The following TPR variants were observed in gnomAD, a reference collection of about 807,000 sequenced individuals.
TPR encodes translocated promoter region, nuclear basket protein.
In TPR, 51 loss-of-function variants were observed where a neutral mutation model predicts 316.1. That is an observed-to-expected ratio of 0.16 (90% confidence interval 0.13 to 0.20). The LOEUF is 0.20. Ranked by LOEUF, TPR falls within the 10% of genes least tolerant of loss-of-function variation. The pLI is 1.00. For missense variants in TPR, 2,272 were observed against 2,754.8 expected (o/e 0.82, Z 3.92); for synonymous variants, 981 against 914.7 (o/e 1.07, Z -1.31).
chr1:186,313,022 C>A lies in TPR; in HGVS notation c.*949G>T. 3 of 1,036,464 alleles carry A rather than the reference C, an allele frequency of 2.9e-6. No individual in the cohort carries two copies. The highest frequency in any genetic ancestry group is 4.4e-6 in the Non-Finnish European group (3 of 679,640). 64.2% of individuals were successfully genotyped at this position (1,036,464 alleles called of 1,614,324 possible). ...TACACTACGGTACTTATTCTAATTG[C>A]TGTGGAAAAGAGTTAAGACTTTTGC... On this transcript the variant is annotated 3_prime_UTR_variant, in exon 51 of 51. Transcript: ENST00000367478.
chr1:186,351,915 TA>T lies in TPR; in HGVS notation c.2469+60del, dbSNP rs896739597. On this transcript the variant is annotated intron_variant, in intron 19 of 50. Coordinates refer to ENST00000367478, the MANE Select transcript of TPR (RefSeq NM_003292.3). ...TTTCTAATTAAGGAAATTGAGAGGA[TA>T]AAAAAAATCTAAATTTAACTTTTAT... is the stretch of plus-strand genomic sequence containing the variant. 168 of 1,532,420 alleles carry T rather than the reference TA, an allele frequency of 1.1e-4. No individual in the cohort carries two copies. The African/African-American group carries it at 1.4e-3, about 13-fold the overall frequency. 94.9% of individuals were successfully genotyped at this position (1,532,420 alleles called of 1,614,324 possible).
chr1:186,337,999 GT>G (rs557325742), intron 31 of TPR, 33 bp downstream of exon 31: 167 of 1,457,552 alleles, frequency 1.1e-4, no homozygotes, highest in Admixed American at 7.0e-4. Flanking sequence ...ATTCATCCTA[GT>G]TTTTTTTTGT....
intron 50 of TPR, chr1:186,314,235 G>A: frequency 5.8e-5 from 28 of 479,764 alleles, no homozygotes; most frequent in South Asian, 2.2e-4. Context: ...TGGAAAACAT[G>A]GAAATATTAA....
At chr1:186,360,597 T>C (rs1455882198) in intron 10 of TPR, among the ~76,000 whole-genome samples, 168 bp downstream of exon 10, 1 of 152,122 alleles carries the variant, frequency 6.6e-6, no homozygotes, top group Non-Finnish European at 1.5e-5. Context: ...CCCGATTCTG[T>C]AAAGATACAG....
Position 186,312,668 on chromosome 1 carries a change from C to A in TPR, c.*1303G>T. ...TCTATAACCCTCAATAGTTCTACAT[C>A]AGAGGGCTAAAACTGAGATTAAAAC... On this transcript the variant is annotated 3_prime_UTR_variant, in exon 51 of 51. Coordinates refer to ENST00000367478, the MANE Select transcript of TPR (RefSeq NM_003292.3). 1 of 1,260,712 alleles carries A rather than the reference C, an allele frequency of 7.9e-7. No individual in the cohort carries two copies. Among genetic ancestry groups the A allele is most frequent in the Non-Finnish European group, 1.2e-6 (1 of 864,052 alleles). 78.1% of individuals were successfully genotyped at this position (1,260,712 alleles called of 1,614,324 possible). A position where few individuals can be genotyped will look rare whatever the true frequency, so the allele number is the denominator to read the frequency against.
chr1:186,371,846 A>T (rs1659536385), intron 2 of TPR, among the ~76,000 whole-genome samples: 2 of 152,178 alleles, frequency 1.3e-5, no homozygotes. Flanking sequence ...GATCCAGAGT[A>T]TATAAATACA....
rs929413607 is a variant in TPR at position 186,326,374 on chromosome 1, G to C, written c.5890-139C>G. The C allele has an allele frequency of 2.4e-5, 31 of 1,298,902 alleles. 1 individual carries two copies. The Admixed American group carries it at 5.5e-4, about 23-fold the overall frequency. The allele number at this position is 1,298,902 out of a possible 1,614,324, so 80.5% of individuals were successfully genotyped here. On this transcript the variant is annotated intron_variant, in intron 40 of 50. Coordinates refer to ENST00000367478, the MANE Select transcript of TPR (RefSeq NM_003292.3). ...TTGTCCTGAGAGTTGTATGGGATTA[G>C]TACAGCAGCACCAAATACCACAACT...
intron 3 of TPR, among the ~76,000 whole-genome samples, chr1:186,369,411 T>A (rs572890577): frequency 1.2e-4 from 19 of 152,288 alleles, no homozygotes; most frequent in South Asian, 8.3e-4. Context: ...ATTATTTGCA[T>A]CTTCAATTTC....
intron 13 of TPR, 28 bp downstream of exon 13, chr1:186,358,515 G>C: frequency 5.7e-6 from 9 of 1,580,110 alleles, no homozygotes; most frequent in Non-Finnish European, 6.9e-6. Flanking sequence ...GTTTTTAAAA[G>C]TAGGAAAACA....
At chr1:186,350,666 A>G (rs567210594) in intron 20 of TPR, among the ~76,000 whole-genome samples, 9 of 152,324 alleles carry the variant, frequency 5.9e-5, no homozygotes, top group African/African-American at 2.2e-4. Flanking sequence ...AGAGCCCAGG[A>G]GACTCTCTGA....
rs755481392 is a variant in TPR at position 186,327,588 on chromosome 1, C to T, written c.5761G>A (p.Gly1921Arg). 6.2e-7 allele frequency: 1 copy of T among 1,612,772 alleles called. No homozygotes were observed. The highest frequency in any genetic ancestry group is 1.1e-5 in the South Asian group (1 of 91,052). ...ETSQSLQIDL[G>R]PLQSDQQTTT... Reference sequence around the variant, plus strand: ...GTCTGCTGATCTGATTGAAGTGGCCCAAGATCTATTTGTAGAGACTGAGAG... The same window carrying T: ...GTCTGCTGATCTGATTGAAGTGGCCTAAGATCTATTTGTAGAGACTGAGAG... Residue 1921 changes from glycine (G) to arginine (R), a missense_variant, in exon 40 of 51, where the codon GGG (glycine) becomes AGG (arginine). Coordinates refer to ENST00000367478, the MANE Select transcript of TPR (RefSeq NM_003292.3).
intron 32 of TPR, 76 bp downstream of exon 32, chr1:186,336,937 G>C: frequency 1.3e-6 from 2 of 1,584,804 alleles, no homozygotes; most frequent in Non-Finnish European, 1.7e-6. Context: ...GTAAGACAAA[G>C]TGTCAGTAGT....
intron 42 of TPR, among the ~76,000 whole-genome samples, 190 bp from the exon 43 acceptor site, chr1:186,324,060 G>A (rs963255509): frequency 3.3e-5 from 5 of 151,994 alleles, no homozygotes; most frequent in Admixed American, 6.6e-5. Flanking sequence ...GTACTTATTC[G>A]CTGTGTGGCT....
chr1:186,312,951 G>C lies in TPR; in HGVS notation c.*1020C>G, dbSNP rs1657393527. The C allele has an allele frequency of 6.5e-7, 1 of 1,548,978 alleles. No individual in the cohort carries two copies. The highest frequency in any genetic ancestry group is 8.9e-7 in the Non-Finnish European group (1 of 1,121,956). ...GTGATATCATTTGTGAAAACATGAA[G>C]ATAAAGTAAAAATGCTGGCTGCAAT... is the stretch of plus-strand genomic sequence containing the variant. On this transcript the variant is annotated 3_prime_UTR_variant, in exon 51 of 51. Transcript: ENST00000367478.
intron 29 of TPR, among the ~76,000 whole-genome samples, chr1:186,340,129 T>C (rs576176714): frequency 6.6e-6 from 1 of 152,098 alleles, no homozygotes; most frequent in South Asian, 2.1e-4. Context: ...AGAAAAAAAA[T>C]ATAGACAATG....
At chr1:186,331,380 C>G in intron 39 of TPR, 118 bp downstream of exon 39, 1 of 642,646 alleles carries the variant, frequency 1.6e-6, no homozygotes, top group Non-Finnish European at 2.6e-6. Flanking sequence ...AGTAGTATTT[C>G]ATTACATATA....
chr1:186,375,122 C>A lies in TPR; in HGVS notation c.-94G>T. 1 of 1,566,768 alleles carries A rather than the reference C, an allele frequency of 6.4e-7. No individual in the cohort carries two copies. Among genetic ancestry groups the A allele is most frequent in the Non-Finnish European group, 8.6e-7 (1 of 1,156,468 alleles). Reference sequence around the variant, plus strand: ...AGCAGGACCCAGACGCCTGGGCCGCCGCCTCTATCACCTCGCTCGGTGGCT... The same window carrying A: ...AGCAGGACCCAGACGCCTGGGCCGCAGCCTCTATCACCTCGCTCGGTGGCT... On this transcript the variant is annotated 5_prime_UTR_variant, in exon 1 of 51. Coordinates refer to ENST00000367478, the MANE Select transcript of TPR (RefSeq NM_003292.3).
chr1:186,372,667 T>C (rs1234637916), intron 2 of TPR, among the ~76,000 whole-genome samples: 1 of 152,220 alleles, frequency 6.6e-6, no homozygotes, highest in East Asian at 1.9e-4. Context: ...CCATCTCGTC[T>C]GATCTCGGAA....
chr1:186,341,227 C>T lies in TPR; in HGVS notation c.3888+25G>A, dbSNP rs765171130. 42 of 1,613,150 alleles carry T rather than the reference C, an allele frequency of 2.6e-5. No homozygotes were observed. The South Asian group carries it at 3.9e-4, about 15-fold the overall frequency. ...TTTATTATTAAAAACAACATGCTTCCACTCTTGATAACTAAGCAACAAACC... is the reference window on the plus strand; with the variant it reads ...TTTATTATTAAAAACAACATGCTTCTACTCTTGATAACTAAGCAACAAACC... On this transcript the variant is annotated intron_variant, in intron 28 of 50. Coordinates refer to ENST00000367478, the MANE Select transcript of TPR (RefSeq NM_003292.3).
Sources: allele counts gnomAD v4.1 joint callset (sites outside exome capture counted in the v4.1 genomes callset), GRCh38; gene constraint gnomAD v4.1.1; transcripts MANE v1.5; gene names NCBI Gene and HGNC (gene_info 2026-07-23, HGNC 2026-07-21).